The following RYK variants were observed in gnomAD, a reference collection of about 807,000 sequenced individuals.
The protein encoded by RYK is receptor like tyrosine kinase, also known as inactive tyrosine-protein kinase RYK.
RYK carries 21 observed loss-of-function variants against 70.2 expected under a neutral mutation model. The ratio of observed to expected loss-of-function variants is 0.30; its 90% CI spans 0.21 to 0.43. The LOEUF is 0.43. Ranked by LOEUF, RYK falls within the 20% of genes least tolerant of loss-of-function variation. The pLI is 1.00. For missense variants in RYK, 604 were observed against 753.3 expected (o/e 0.80, Z 2.32); for synonymous variants, 267 against 278.0 (o/e 0.96, Z 0.39).
At chr3:134,194,174 T>C (rs1416248196) in intron 7 of RYK, among the ~76,000 whole-genome samples, 6 of 152,244 alleles carry the variant, frequency 3.9e-5, no homozygotes, top group Non-Finnish European at 7.3e-5. Context: ...AAAAATTTTC[T>C]CTCATCCACC....
At chr3:134,248,122 G>A (rs564322057) in intron 1 of RYK, among the ~76,000 whole-genome samples, 2 of 152,322 alleles carry the variant, frequency 1.3e-5, no homozygotes, top group South Asian at 4.1e-4. Context: ...AGGGAGATGG[G>A]AAGGGATGGA....
At chr3:134,235,877 G>C (rs562704339) in intron 1 of RYK, among the ~76,000 whole-genome samples, 15 of 152,208 alleles carry the variant, frequency 9.9e-5, no homozygotes, top group African/African-American at 2.9e-4. Flanking sequence ...CTCTTTATGA[G>C]ACTAGGAAAC....
intron 13 of RYK, among the ~76,000 whole-genome samples, chr3:134,173,951 T>A (rs1340206633): frequency 6.6e-6 from 1 of 152,224 alleles, no homozygotes; most frequent in African/African-American, 2.4e-5. Context: ...GCCCATGTCC[T>A]ACTCCCTGAA....
In RYK at chr3:134,158,263, A is replaced by G; in HGVS notation, c.1714T>C (p.Phe572Leu). The G allele has an allele frequency of 1.3e-6, 2 of 1,547,320 alleles. No individual in the cohort carries two copies. The highest frequency in any genetic ancestry group is 2.5e-5 in the South Asian group (2 of 80,996). Residue 572 changes from phenylalanine to leucine, a missense_variant and splice_region_variant, in exon 15 of 15, where the codon TTT (phenylalanine) becomes CTT (leucine). Physicochemically the swap from Phe to Leu is conservative, Grantham distance 22. Transcript: ENST00000623711. Reference sequence around the variant, plus strand: ...GCCCAGCAACAGGCCATCACAGCAAATCTGCAGAGTGACAAAAATGAAAAT... The same window carrying G: ...GCCCAGCAACAGGCCATCACAGCAAGTCTGCAGAGTGACAAAAATGAAAAT... The part of the protein sequence containing the change: ...AQPINCPDEL[F>L]AVMACCWALD...
chr3:134,194,818 T>C (rs1389316346), intron 7 of RYK, among the ~76,000 whole-genome samples: 1 of 152,240 alleles, frequency 6.6e-6, no homozygotes, highest in African/African-American at 2.4e-5. Flanking sequence ...AGTGACTTAG[T>C]AGCCCTTTTA....
At chr3:134,214,465 T>C (rs2014493365) in intron 2 of RYK, among the ~76,000 whole-genome samples, 1 of 152,084 alleles carries the variant, frequency 6.6e-6, no homozygotes, top group Non-Finnish European at 1.5e-5. Flanking sequence ...AACACCTAGT[T>C]TCATGTTCTC....
chr3:134,246,503 T>C (rs2015472530), intron 1 of RYK, among the ~76,000 whole-genome samples: 1 of 150,710 alleles, frequency 6.6e-6, no homozygotes, highest in Non-Finnish European at 1.5e-5. Context: ...CAAAAACTTA[T>C]AAAACTTCAG....
At chr3:134,164,364 CA>C (rs909374859) in intron 13 of RYK, among the ~76,000 whole-genome samples, 1 of 152,138 alleles carries the variant, frequency 6.6e-6, no homozygotes, top group African/African-American at 2.4e-5. Context: ...AGATAAGGAG[CA>C]TATCTATCAC....
At chr3:134,171,970 T>C (rs2108148081) in intron 13 of RYK, among the ~76,000 whole-genome samples, 1 of 152,340 alleles carries the variant, frequency 6.6e-6, no homozygotes, top group Non-Finnish European at 1.5e-5. Context: ...AATGCTCCTT[T>C]TTCTAAGAGA....
At chr3:134,205,559 G>C (rs1198824246) in intron 5 of RYK, among the ~76,000 whole-genome samples, 2 of 152,214 alleles carry the variant, frequency 1.3e-5, no homozygotes, top group African/African-American at 4.8e-5. Context: ...TTCCAGAGCA[G>C]AGCCAAGGAT....
At chr3:134,232,231 C>G (rs543131760) in intron 1 of RYK, among the ~76,000 whole-genome samples, 1 of 152,264 alleles carries the variant, frequency 6.6e-6, no homozygotes, top group South Asian at 2.1e-4. Flanking sequence ...GCCTCAACCT[C>G]AATTACTTCA....
intron 13 of RYK, among the ~76,000 whole-genome samples, chr3:134,160,596 G>A (rs779608098): frequency 3.3e-5 from 5 of 152,096 alleles, no homozygotes; most frequent in Admixed American, 6.5e-5. Context: ...GGCCAGGCAC[G>A]GTGGCTCACA....
chr3:134,176,369 A>G (rs1428390104), intron 11 of RYK, among the ~76,000 whole-genome samples: 4 of 152,216 alleles, frequency 2.6e-5, no homozygotes, highest in African/African-American at 9.6e-5. Context: ...TCAAATGTTT[A>G]TAATTCAGTA....
At position 134,159,302 on chromosome 3, in the gene RYK, G is replaced by C. The variant is rs375889971; in HGVS notation, c.1647C>G (p.Phe549Leu). 6.2e-6 allele frequency: 10 copies of C among 1,613,752 alleles called. No homozygotes were observed. The highest frequency in any genetic ancestry group is 1.7e-5 in the Admixed American group (1 of 60,002). ...CATCTTTCAGGTATGCGGCCATCTC[G>C]AAGGGGTCAATGTCCACGTAGGGAG... is the stretch of plus-strand genomic sequence containing the variant. ...GQTPYVDIDPFEMAAYLKDGY... is the reference protein window; with the variant it reads ...GQTPYVDIDPLEMAAYLKDGY... The change falls in exon 14 of 15, where the codon TTC (phenylalanine) becomes TTG (leucine). Residue 549 changes from phenylalanine (F) to leucine (L), a missense_variant. Phe to Leu is a conservative substitution (Grantham distance 22). This residue lies in a region of RYK where 138 missense variants were observed against 217.4 expected (regional missense o/e 0.63). Coordinates refer to ENST00000623711, the MANE Select transcript of RYK (RefSeq NM_002958.4).
intron 2 of RYK, among the ~76,000 whole-genome samples, chr3:134,212,548 T>A (rs955944637): frequency 6.6e-6 from 1 of 151,832 alleles, no homozygotes; most frequent in South Asian, 2.1e-4. Flanking sequence ...GGGAAAAGAG[T>A]GAGAAGAAAG....
intron 1 of RYK, among the ~76,000 whole-genome samples, chr3:134,236,764 T>G (rs1231538383): frequency 6.6e-6 from 1 of 152,138 alleles, no homozygotes; most frequent in Non-Finnish European, 1.5e-5. Flanking sequence ...GAAAGAAAGT[T>G]ACATATTTTG....
At chr3:134,187,224 C>T (rs1042078698) in intron 9 of RYK, among the ~76,000 whole-genome samples, 12 of 152,094 alleles carry the variant, frequency 7.9e-5, no homozygotes, top group Non-Finnish European at 1.6e-4. Context: ...AAAGCAATTC[C>T]AAAGATTTTT....
intron 1 of RYK, among the ~76,000 whole-genome samples, chr3:134,229,378 TG>T (rs141798269): frequency 0.025 from 2,201 of 88,918 alleles, 132 homozygotes; most frequent in African/African-American, 0.09. Context: ...TCCTTTGGGC[TG>T]GAAAAAAAAA....
chr3:134,175,529 A>C, intron 13 of RYK, 80 bp downstream of exon 13: 1 of 1,515,626 alleles, frequency 6.6e-7, no homozygotes, highest in Non-Finnish European at 8.9e-7. Context: ...TTAAAAACCC[A>C]AAAGATAAAA....
Sources: allele counts gnomAD v4.1 joint callset (sites outside exome capture counted in the v4.1 genomes callset), GRCh38; gene constraint gnomAD v4.1.1; regional missense constraint gnomAD v4.1.1; transcripts MANE v1.5; gene names NCBI Gene and HGNC (gene_info 2026-07-23, HGNC 2026-07-21).